YY2: variants seen among roughly 807,000 people sequenced by gnomAD.
The protein encoded by YY2 is transcription factor YY2.
For synonymous variants in YY2, 157 were observed against 131.2 expected, an observed-to-expected ratio of 1.20 and a Z score of -1.35; for missense variants, 254 against 305.3, an observed-to-expected ratio of 0.83 and a Z score of 1.25.
At position 21,856,628 on chromosome X, in the gene YY2, T is replaced by C; in HGVS notation, c.144T>C (p.Asn48=). The C allele has an allele frequency of 3.3e-6, 4 of 1,211,659 alleles. No homozygotes were observed. The highest frequency in any genetic ancestry group is 4.5e-6 in the Non-Finnish European group (4 of 895,507). Residue 48 remains asparagine, a synonymous_variant, in exon 1 of 1, where the codon AAT becomes AAC. Coordinates refer to ENST00000429584, the MANE Select transcript of YY2 (RefSeq NM_206923.4). The part of the protein sequence containing the change: ...ESVQYEDVDG[N]WIYGGHNHPP... The stretch of plus-strand genomic sequence containing the variant: ...TCCAGTACGAGGATGTGGATGGCAA[T>C]TGGATCTACGGTGGCCACAACCATC...
chrX:21,857,447 C>T lies in YY2; in HGVS notation c.963C>T (p.Arg321=), dbSNP rs766344828. ...GCACATTCGAAGGCTGCGGGAAACG[C>T]TTTTCCCTTGATTTCAATTTGCGCA... ...FQCTFEGCGK[R]FSLDFNLRTH... Residue 321 remains arginine (R), a synonymous_variant, in exon 1 of 1, where the codon CGC becomes CGT. Transcript: ENST00000429584. The T allele has an allele frequency of 6.6e-6, 8 of 1,211,976 alleles. No individual in the cohort carries two copies. Among genetic ancestry groups the T allele is most frequent in the Non-Finnish European group, 8.9e-6 (8 of 895,558 alleles).
Position 21,856,323 on chromosome X carries a change from C to T in YY2, c.-162C>T, listed in dbSNP as rs1264028968. ...TCGCGCCTTTCTCTGCAGCTCGCGCCTTTCTCTGCAGCTCGCGCCTTTCTC... is the reference window on the plus strand; with the variant it reads ...TCGCGCCTTTCTCTGCAGCTCGCGCTTTTCTCTGCAGCTCGCGCCTTTCTC... On this transcript the variant is annotated 5_prime_UTR_variant, in exon 1 of 1. Transcript: ENST00000429584. 2.1e-6 allele frequency: 1 copy of T among 481,704 alleles called. No homozygotes were observed. The highest frequency in any genetic ancestry group is 3.5e-6 in the Non-Finnish European group (1 of 282,078). 39.7% of individuals were successfully genotyped at this position (481,704 alleles called of 1,213,427 possible).
rs950072292 is a variant in YY2 at position 21,856,425 on chromosome X, C to T, written c.-60C>T. 16 of 1,143,135 alleles carry T rather than the reference C, an allele frequency of 1.4e-5. No homozygotes were observed. In the African/African-American group the frequency reaches 2.3e-4, roughly 17 times the overall value. 94.2% of individuals were successfully genotyped at this position (1,143,135 alleles called of 1,213,427 possible). A position where few individuals can be genotyped will look rare whatever the true frequency, so the allele number is the denominator to read the frequency against. On this transcript the variant is annotated 5_prime_UTR_variant, in exon 1 of 1. Coordinates refer to ENST00000429584, the MANE Select transcript of YY2 (RefSeq NM_206923.4). ...TTCCTCTGCAGCTCCCACCTCACTC[C>T]CCTCAGCGTTCTTTTTCCCACGGTC...
rs778109033 is a variant in YY2, at chrX:21,858,509, C to T, written c.*906C>T. On this transcript the variant is annotated 3_prime_UTR_variant, in exon 1 of 1. Transcript: ENST00000429584. ...AAGAAAAGGGGGAGGGTGCTACTGG[C>T]ATCTGGTGAGTGGAGGGAGATCAGG... The T allele has an allele frequency of 8.1e-6, 1 of 123,123 alleles. No individual in the cohort carries two copies. Among genetic ancestry groups the T allele is most frequent in the East Asian group, 2.8e-4 (1 of 3,571 alleles). 10.1% of individuals were successfully genotyped at this position (123,123 alleles called of 1,213,427 possible).
In YY2 at chrX:21,856,225, G is replaced by T. The variant is rs1340464651; in HGVS notation, c.-260G>T. The stretch of plus-strand genomic sequence containing the variant: ...AGACGCGCCAGTTGCCTAGGCGCAT[G>T]CGTCTGGCTATCCCAGAAGCACCTG... On this transcript the variant is annotated 5_prime_UTR_variant, in exon 1 of 1. An upstream start codon of the reference 5' UTR is lost. Coordinates refer to ENST00000429584, the MANE Select transcript of YY2 (RefSeq NM_206923.4). 7 of 363,043 alleles carry T rather than the reference G, an allele frequency of 1.9e-5. No homozygotes were observed. The highest frequency in any genetic ancestry group is 3.3e-5 in the Non-Finnish European group (7 of 210,503). The allele number at this position is 363,043 out of a possible 1,213,427, so 29.9% of individuals were successfully genotyped here.
At position 21,858,170 on chromosome X, in the gene YY2, T is replaced by C. The variant is rs2092926240; in HGVS notation, c.*567T>C. On this transcript the variant is annotated 3_prime_UTR_variant, in exon 1 of 1. Coordinates refer to ENST00000429584, the MANE Select transcript of YY2 (RefSeq NM_206923.4). ...GTGTTATTTGTTTTAATCTTGGTTGTAGTCTTGGATGTTAACACATCTTGC... is the reference window on the plus strand; with the variant it reads ...GTGTTATTTGTTTTAATCTTGGTTGCAGTCTTGGATGTTAACACATCTTGC... 1 of 124,873 alleles carries C rather than the reference T, an allele frequency of 8.0e-6. No homozygotes were observed. The highest frequency in any genetic ancestry group is 3.2e-5 in the African/African-American group (1 of 31,297). 10.3% of individuals were successfully genotyped at this position (124,873 alleles called of 1,213,427 possible).
In YY2 at chrX:21,856,787, G is replaced by A. The variant is rs751090496; in HGVS notation, c.303G>A (p.Leu101=). 16 of 1,210,033 alleles carry A rather than the reference G, an allele frequency of 1.3e-5. No homozygotes were observed. The South Asian group carries it at 2.5e-4, about 19-fold the overall frequency. Residue 101 remains leucine (L), a synonymous_variant, in exon 1 of 1, where the codon TTG becomes TTA. Coordinates refer to ENST00000429584, the MANE Select transcript of YY2 (RefSeq NM_206923.4). The stretch of plus-strand genomic sequence containing the variant: ...CAGACAACCAGCTAGGCAACGACTT[G>A]GAGGACCAGTTGGCCCTCCCGGATA... ...CDSDNQLGND[L]EDQLALPDSI... is the part of the protein sequence containing the mutation.
In YY2 at chrX:21,856,650, C is replaced by T. The variant is rs1175012090; in HGVS notation, c.166C>T (p.His56Tyr). Residue 56 changes from histidine (H) to tyrosine (Y), a missense_variant, in exon 1 of 1, where the codon CAT becomes TAT. By Grantham distance (83) the His-to-Tyr change is moderately conservative (BLOSUM62 2). Transcript: ENST00000429584. ...DGNWIYGGHN[H>Y]PPLMVLQPLF... ...CAATTGGATCTACGGTGGCCACAACCATCCGCCATTGATGGTGTTGCAGCC... is the reference window on the plus strand; with the variant it reads ...CAATTGGATCTACGGTGGCCACAACTATCCGCCATTGATGGTGTTGCAGCC... 2 of 1,211,865 alleles carry T rather than the reference C, an allele frequency of 1.7e-6. No individual in the cohort carries two copies. The highest frequency in any genetic ancestry group is 2.2e-6 in the Non-Finnish European group (2 of 895,572).
rs2092923483 is a variant in YY2, at chrX:21,856,829, C to T, written c.345C>T (p.His115=). 8.3e-6 allele frequency: 10 copies of T among 1,211,837 alleles called. No homozygotes were observed. Among genetic ancestry groups the T allele is most frequent in the South Asian group, 3.5e-5 (2 of 56,993 alleles). Residue 115 remains histidine, a synonymous_variant, in exon 1 of 1, where the codon CAC becomes CAT. Transcript: ENST00000429584. ...LALPDSIEDE[H]FQMTLASLSA... The stretch of plus-strand genomic sequence containing the variant: ...TCCCGGATAGCATTGAAGACGAGCA[C>T]TTCCAGATGACCCTGGCCTCTCTGT...
At position 21,857,057 on chromosome X, in the gene YY2, C is replaced by G. The variant is rs959495609; in HGVS notation, c.573C>G (p.Asn191Lys). ...GEFSVTMWSP[N>K]DNNDQGAVGE... ...TTTCCGTGACTATGTGGTCCCCTAA[C>G]GATAACAATGACCAAGGGGCAGTGG... The change falls in exon 1 of 1, where the codon AAC becomes AAG. Residue 191 changes from asparagine (N) to lysine (K), a missense_variant. Asn to Lys is a moderately conservative substitution (Grantham distance 94). Transcript: ENST00000429584. 1.3e-5 allele frequency: 16 copies of G among 1,211,725 alleles called. No individual in the cohort carries two copies. Among genetic ancestry groups the G allele is most frequent in the Non-Finnish European group, 1.8e-5 (16 of 895,515 alleles).
chrX:21,857,446 G>A lies in YY2; in HGVS notation c.962G>A (p.Arg321His). The part of the protein sequence containing the change: ...FQCTFEGCGK[R>H]FSLDFNLRTH... The stretch of plus-strand genomic sequence containing the variant: ...TGCACATTCGAAGGCTGCGGGAAAC[G>A]CTTTTCCCTTGATTTCAATTTGCGC... The change falls in exon 1 of 1, where the codon CGC becomes CAC. Residue 321 changes from arginine to histidine, a missense_variant. Arg to His is a conservative substitution (Grantham distance 29). Coordinates refer to ENST00000429584, the MANE Select transcript of YY2 (RefSeq NM_206923.4). The A allele has an allele frequency of 8.3e-7, 1 of 1,211,786 alleles. No individual in the cohort carries two copies. Among genetic ancestry groups the A allele is most frequent in the Non-Finnish European group, 1.1e-6 (1 of 895,499 alleles).
In YY2 at chrX:21,856,782, G is replaced by A. The variant is rs939212904; in HGVS notation, c.298G>A (p.Asp100Asn). 9.9e-6 allele frequency: 12 copies of A among 1,210,013 alleles called. No individual in the cohort carries two copies. The highest frequency in any genetic ancestry group is 1.7e-5 in the African/African-American group (1 of 57,167). Residue 100 changes from aspartate (D) to asparagine (N), a missense_variant, in exon 1 of 1, where the codon GAC becomes AAC. Asp to Asn is a conservative substitution (Grantham distance 23). Transcript: ENST00000429584. ...CGACTCAGACAACCAGCTAGGCAAC[G>A]ACTTGGAGGACCAGTTGGCCCTCCC... The part of the protein sequence containing the change: ...YCDSDNQLGN[D>N]LEDQLALPDS...
In YY2 at chrX:21,856,690, C is replaced by T; in HGVS notation, c.206C>T (p.Thr69Met). ...LMVLQPLFTN[T>M]GYGDHDQEML... The stretch of plus-strand genomic sequence containing the variant: ...GTGTTGCAGCCGCTCTTCACGAACA[C>T]GGGCTATGGCGACCACGACCAGGAA... Residue 69 changes from threonine (T) to methionine (M), a missense_variant, in exon 1 of 1, where the codon ACG becomes ATG. Physicochemically the swap from Thr to Met is moderately conservative, Grantham distance 81 (BLOSUM62 -1). Coordinates refer to ENST00000429584, the MANE Select transcript of YY2 (RefSeq NM_206923.4). The T allele has an allele frequency of 8.3e-7, 1 of 1,211,615 alleles. No individual in the cohort carries two copies. The highest frequency in any genetic ancestry group is 1.1e-6 in the Non-Finnish European group (1 of 895,520).
Position 21,856,205 on chromosome X carries a change from C to G in YY2, c.-280C>G, listed in dbSNP as rs975461440. ...CACGTGCTTTTGGGGCCGACAGACG[C>G]GCCAGTTGCCTAGGCGCATGCGTCT... On this transcript the variant is annotated 5_prime_UTR_variant, in exon 1 of 1. Coordinates refer to ENST00000429584, the MANE Select transcript of YY2 (RefSeq NM_206923.4). 3.4e-5 allele frequency: 11 copies of G among 321,830 alleles called. No individual in the cohort carries two copies. Among genetic ancestry groups the G allele is most frequent in the Non-Finnish European group, 3.8e-5 (7 of 185,190 alleles). 26.5% of individuals were successfully genotyped at this position (321,830 alleles called of 1,213,427 possible).
In YY2 at chrX:21,856,364, T is replaced by TCTCTGCAGCTCGCCCCTTC. The variant is rs60804526; in HGVS notation, c.-90_-72dup. Reference sequence around the variant, plus strand: ...CGCCTTTCTCTGCAGCTCGCGCCTTTCTCTGCAGCTCGCCCCTTCCTCTGC... The same window carrying TCTCTGCAGCTCGCCCCTTC: ...CGCCTTTCTCTGCAGCTCGCGCCTTTCTCTGCAGCTCGCCCCTTCCTCTGCAGCTCGCCCCTTCCTCTGC... On this transcript the variant is annotated 5_prime_UTR_variant, in exon 1 of 1. The change abolishes the stop of an existing upstream ORF in the 5' untranslated region. Transcript: ENST00000429584. 265 of 632,000 alleles carry TCTCTGCAGCTCGCCCCTTC rather than the reference T, an allele frequency of 4.2e-4. 2 individuals are homozygous for TCTCTGCAGCTCGCCCCTTC. The highest frequency in any genetic ancestry group is 1.4e-3 in the African/African-American group (34 of 24,326). 52.1% of individuals were successfully genotyped at this position (632,000 alleles called of 1,213,427 possible).
Position 21,857,252 on chromosome X carries a change from C to T in YY2, c.768C>T (p.Cys256=), listed in dbSNP as rs781046792. The change falls in exon 1 of 1, where the codon TGC becomes TGT. Residue 256 remains cysteine, a synonymous_variant. Coordinates refer to ENST00000429584, the MANE Select transcript of YY2 (RefSeq NM_206923.4). The part of the protein sequence containing the change: ...SKGEPPKTVP[C]SYSGCEKMFR... Reference sequence around the variant, plus strand: ...GAGAACCTCCCAAAACAGTCCCTTGCTCTTATAGCGGCTGCGAAAAGATGT... The same window carrying T: ...GAGAACCTCCCAAAACAGTCCCTTGTTCTTATAGCGGCTGCGAAAAGATGT... The T allele has an allele frequency of 8.3e-7, 1 of 1,211,797 alleles. No individual in the cohort carries two copies. Among genetic ancestry groups the T allele is most frequent in the Non-Finnish European group, 1.1e-6 (1 of 895,548 alleles).
Position 21,856,866 on chromosome X carries a change from G to GCATCAA in YY2, c.396_401dup (p.Ser133_Thr134dup), listed in dbSNP as rs768424915. 81 of 1,209,620 alleles carry GCATCAA rather than the reference G, an allele frequency of 6.7e-5. No homozygotes were observed. The Admixed American group carries it at 1.3e-3, about 19-fold the overall frequency. On this transcript the variant is annotated inframe_insertion, in exon 1 of 1. Coordinates refer to ENST00000429584, the MANE Select transcript of YY2 (RefSeq NM_206923.4). ...CCTGGCCTCTCTGTCGGCCTCGGCGGCATCAACATCAACATCAACCCAGAG... is the reference window on the plus strand; with the variant it reads ...CCTGGCCTCTCTGTCGGCCTCGGCGGCATCAACATCAACATCAACATCAACCCAGAG...
In YY2 at chrX:21,856,894, G is replaced by A. The variant is rs1602142882; in HGVS notation, c.410G>A (p.Arg137His). 5.0e-6 allele frequency: 6 copies of A among 1,211,551 alleles called. No individual in the cohort carries two copies. The East Asian group carries it at 1.5e-4, about 30-fold the overall frequency. The change falls in exon 1 of 1, where the codon CGC becomes CAC. Residue 137 changes from arginine to histidine, a missense_variant. By Grantham distance (29) the Arg-to-His change is conservative. Transcript: ENST00000429584. Reference sequence around the variant, plus strand: ...TCAACATCAACATCAACCCAGAGCCGCAGCAAAAAGCCCAGCAAAAAGCCC... The same window carrying A: ...TCAACATCAACATCAACCCAGAGCCACAGCAAAAAGCCCAGCAAAAAGCCC... ...AASTSTSTQSRSKKPSKKPSG... is the reference protein window; with the variant it reads ...AASTSTSTQSHSKKPSKKPSG...
Position 21,856,340 on chromosome X carries a change from G to A in YY2, c.-145G>A, listed in dbSNP as rs867366466. On this transcript the variant is annotated 5_prime_UTR_variant, in exon 1 of 1. Coordinates refer to ENST00000429584, the MANE Select transcript of YY2 (RefSeq NM_206923.4). ...GCTCGCGCCTTTCTCTGCAGCTCGC[G>A]CCTTTCTCTGCAGCTCGCGCCTTTC... is the stretch of plus-strand genomic sequence containing the variant. The A allele has an allele frequency of 4.3e-6, 2 of 465,998 alleles. No homozygotes were observed. Among genetic ancestry groups the A allele is most frequent in the African/African-American group, 5.9e-5 (2 of 33,969 alleles). The allele number at this position is 465,998 out of a possible 1,213,427, so 38.4% of individuals were successfully genotyped here.
Sources: gnomAD v4.1 joint callset for allele counts on GRCh38, gnomAD v4.1.1 for gene constraint, MANE v1.5 for transcripts, NCBI Gene and HGNC (gene_info 2026-07-23, HGNC 2026-07-21) for gene names.